The following SUPT3H variants were observed in gnomAD, a reference collection of about 807,000 sequenced individuals.
SUPT3H encodes the protein transcription initiation protein SPT3 homolog.
A neutral mutation model predicts 44.3 loss-of-function variants in SUPT3H; 44 were observed. The observed-to-expected ratio is 0.99, with a 90% CI of 0.78 to 1.28. The LOEUF is 1.28. SUPT3H is among the 50% of genes most tolerant of loss of function. The probability of loss-of-function intolerance (pLI) is 0.00; values close to 1 mark genes in which losing one functional copy is unlikely to be tolerated. For missense variants in SUPT3H, 380 were observed against 387.1 expected (o/e 0.98, Z 0.15); for synonymous variants, 124 against 125.6 (o/e 0.99, Z 0.09).
chr6:44,948,632 A>C (rs1186079014), intron 9 of SUPT3H, among the ~76,000 whole-genome samples: 1 of 152,280 alleles, frequency 6.6e-6, no homozygotes, highest in South Asian at 2.1e-4. Context: ...CAAAAAACAC[A>C]TGGAAAAATG....
intron 2 of SUPT3H, among the ~76,000 whole-genome samples, chr6:45,175,639 TAA>T (rs1811636478): frequency 6.6e-6 from 1 of 152,156 alleles, no homozygotes; most frequent in South Asian, 2.1e-4. Flanking sequence ...TTAAATAAAC[TAA>T]CAGATTTTGA....
At chr6:44,937,043 A>G (rs772332531) in intron 9 of SUPT3H, among the ~76,000 whole-genome samples, 8 of 152,160 alleles carry the variant, frequency 5.3e-5, no homozygotes, top group Admixed American at 4.6e-4. Context: ...CTGTTGATGG[A>G]AACTTAGGTT....
intron 2 of SUPT3H, among the ~76,000 whole-genome samples, chr6:45,186,781 A>G (rs571957627): frequency 6.6e-6 from 1 of 152,314 alleles, no homozygotes; most frequent in African/African-American, 2.4e-5. Flanking sequence ...AGCAAGTCAT[A>G]AGATCCTCAT....
chr6:44,997,728 C>T (rs1781455625), intron 6 of SUPT3H, among the ~76,000 whole-genome samples: 1 of 151,586 alleles, frequency 6.6e-6, no homozygotes, highest in Non-Finnish European at 1.5e-5. Flanking sequence ...CAGAATTTGA[C>T]AGAACTCTTA....
At chr6:44,884,740 C>T (rs1307474969) in intron 10 of SUPT3H, among the ~76,000 whole-genome samples, 4 of 152,122 alleles carry the variant, frequency 2.6e-5, no homozygotes, top group African/African-American at 4.8e-5. Flanking sequence ...GTTCATCTCA[C>T]TAGGGAGTGC....
At chr6:45,096,372 T>C (rs1797783295) in intron 3 of SUPT3H, among the ~76,000 whole-genome samples, 1 of 152,166 alleles carries the variant, frequency 6.6e-6, no homozygotes, top group Non-Finnish European at 1.5e-5. Context: ...AAGCTTTATA[T>C]AGATTTTAGA....
At chr6:45,000,245 T>A (rs1489787857) in intron 6 of SUPT3H, among the ~76,000 whole-genome samples, 1 of 152,188 alleles carries the variant, frequency 6.6e-6, no homozygotes, top group South Asian at 2.1e-4. Context: ...TATTTGTGAA[T>A]GTTTATCTTA....
intron 10 of SUPT3H, among the ~76,000 whole-genome samples, chr6:44,923,670 CATTAGTT>C (rs1353475779): frequency 2.0e-5 from 3 of 151,750 alleles, no homozygotes; most frequent in Non-Finnish European, 4.4e-5. Flanking sequence ...CAGAGACAAA[CATTAGTT>C]ATTGGCAATA....
At chr6:45,205,766 C>T (rs554453320) in intron 2 of SUPT3H, among the ~76,000 whole-genome samples, 66 of 151,894 alleles carry the variant, frequency 4.3e-4, no homozygotes, top group Non-Finnish European at 7.1e-4. Context: ...CACTCTACTC[C>T]AGCCTGGGTG....
chr6:45,195,134 A>G (rs1815801257), intron 2 of SUPT3H, among the ~76,000 whole-genome samples: 1 of 152,194 alleles, frequency 6.6e-6, no homozygotes, highest in Non-Finnish European at 1.5e-5. Flanking sequence ...TGGAAAAGAA[A>G]GAAGGGACGT....
intron 10 of SUPT3H, among the ~76,000 whole-genome samples, chr6:44,906,272 T>C (rs1007630083): frequency 6.6e-6 from 1 of 152,212 alleles, no homozygotes; most frequent in Non-Finnish European, 1.5e-5. Context: ...TAGATAGTAG[T>C]ATTTAATTAA....
intron 2 of SUPT3H, among the ~76,000 whole-genome samples, chr6:45,265,371 G>A (rs9463081): frequency 0.4 from 60,103 of 151,954 alleles, 12,289 homozygotes; most frequent in East Asian, 0.71. Flanking sequence ...GATGGAGAAT[G>A]TTTAACTGAA....
rs370130408 is a variant in SUPT3H, at chr6:45,158,550, A to G, written c.102-52544T>C. Among the ~76,000 whole-genome samples the G allele has an allele frequency of 1.5e-4, 23 of 151,952 alleles. No individual in the cohort carries two copies. The East Asian group carries it at 2.5e-3, about 17-fold the overall frequency. On this transcript the variant is annotated intron_variant, in intron 2 of 10. Coordinates refer to ENST00000371459, the MANE Select transcript of SUPT3H (RefSeq NM_003599.4). Reference sequence around the variant, plus strand: ...ACCTCAAAACATCTGAACTCTACACAGGATAACACTCTTCTAGATCAGACA... The same window carrying G: ...ACCTCAAAACATCTGAACTCTACACGGGATAACACTCTTCTAGATCAGACA...
At chr6:44,902,333 A>G (rs947738896) in intron 10 of SUPT3H, among the ~76,000 whole-genome samples, 1 of 152,168 alleles carries the variant, frequency 6.6e-6, no homozygotes, top group African/African-American at 2.4e-5. Flanking sequence ...AAGAAGATCT[A>G]CCAAGCAAAT....
intron 2 of SUPT3H, among the ~76,000 whole-genome samples, chr6:45,129,467 G>A (rs182554777): frequency 2.2e-4 from 34 of 152,242 alleles, no homozygotes; most frequent in African/African-American, 7.9e-4. Context: ...TGGTTTCCTT[G>A]TGTAGATATT....
At chr6:44,861,001 C>T (rs1243475578) in intron 10 of SUPT3H, among the ~76,000 whole-genome samples, 1 of 152,186 alleles carries the variant, frequency 6.6e-6, no homozygotes, top group Non-Finnish European at 1.5e-5. Flanking sequence ...GATTGAGAAT[C>T]AAGAGTCCTG....
In SUPT3H at chr6:44,863,993, G is replaced by A. The variant is rs187444760; in HGVS notation, c.913-34136C>T. 5.9e-5 allele frequency among the ~76,000 whole-genome samples: 9 copies of A among 151,774 alleles called. No individual in the cohort carries two copies. In the East Asian group the frequency reaches 1.8e-3, roughly 30 times the overall value. ...CCCACAATATGTGGGAATTATGGGA[G>A]TACAATTCAAGATGAGATTTGGGTG... On this transcript the variant is annotated intron_variant, in intron 10 of 10. Transcript: ENST00000371459.
intron 9 of SUPT3H, among the ~76,000 whole-genome samples, chr6:44,941,683 T>C (rs1772459626): frequency 6.6e-6 from 1 of 152,118 alleles, no homozygotes; most frequent in Non-Finnish European, 1.5e-5. Flanking sequence ...CCTACACAAT[T>C]TTATAGATGA....
At chr6:45,353,538 T>C (rs972022041) in intron 2 of SUPT3H, among the ~76,000 whole-genome samples, 4 of 152,090 alleles carry the variant, frequency 2.6e-5, no homozygotes, top group Non-Finnish European at 4.4e-5. Flanking sequence ...TAAAGGCTTA[T>C]ATAATTTGAG....
Sources: gnomAD v4.1 joint callset for allele counts (sites outside exome capture counted in the v4.1 genomes callset) on GRCh38, gnomAD v4.1.1 for gene constraint, MANE v1.5 for transcripts, NCBI Gene and HGNC (gene_info 2026-07-23, HGNC 2026-07-21) for gene names.